Variants in KCNQ1 observed in about 807,000 individuals in gnomAD.
KCNQ1 encodes potassium voltage-gated channel subfamily Q member 1.
KCNQ1 carries 49 observed loss-of-function variants against 72.4 expected under a neutral mutation model. The ratio of observed to expected loss-of-function variants is 0.68; its 90% CI spans 0.54 to 0.86. The LOEUF (loss-of-function observed/expected upper bound fraction) is 0.86, where lower values mean the gene tolerates loss of function less well. Among genes scored for constraint, KCNQ1 ranks in the 40% least tolerant of loss-of-function variants. The probability of loss-of-function intolerance (pLI) is 0.00; values close to 1 mark genes in which losing one functional copy is unlikely to be tolerated. For missense variants in KCNQ1, 790 were observed against 945.1 expected, an observed-to-expected ratio of 0.84 and a Z score of 2.15; for synonymous variants, 450 against 412.6, an observed-to-expected ratio of 1.09 and a Z score of -1.10.
chr11:2,553,172 T>C (rs531280661), intron 2 of KCNQ1, among the ~76,000 whole-genome samples: 1 of 143,044 alleles, frequency 7.0e-6, no homozygotes, highest in Non-Finnish European at 1.5e-5. Context: ...GTTTTTTTTT[T>C]TTTTGTTTTT....
intron 10 of KCNQ1, chr11:2,643,116 G>A: frequency 2.5e-6 from 1 of 398,210 alleles, no homozygotes; most frequent in Non-Finnish European, 4.4e-6. Flanking sequence ...ATGTACTGAT[G>A]AGAAGAGTGT....
chr11:2,459,118 G>T (rs1846237521), intron 1 of KCNQ1, among the ~76,000 whole-genome samples: 1 of 152,198 alleles, frequency 6.6e-6, no homozygotes, highest in Non-Finnish European at 1.5e-5. Context: ...GGAGCAGACA[G>T]ACCAGAGTTT....
intron 11 of KCNQ1, chr11:2,680,680 C>T (rs1850381510): frequency 2.5e-6 from 1 of 398,444 alleles, no homozygotes; most frequent in South Asian, 1.3e-4. Flanking sequence ...TCTAACTCTT[C>T]AAGAATCCCT....
intron 15 of KCNQ1, among the ~76,000 whole-genome samples, chr11:2,780,390 A>T (rs1846801488): frequency 1.3e-5 from 2 of 152,238 alleles, no homozygotes; most frequent in Admixed American, 1.3e-4. Flanking sequence ...AAGTAGGGGC[A>T]GGAAATCCAG....
rs1392886445 is a variant in KCNQ1 at position 2,724,888 on chromosome 11, G to A, written c.1515-43956G>A. Among the ~76,000 whole-genome samples the A allele has an allele frequency of 1.3e-5, 2 of 152,196 alleles. No individual in the cohort carries two copies. The highest frequency in any genetic ancestry group is 2.9e-5 in the Non-Finnish European group (2 of 68,038). ...GTTCTCAACTGTGAAATGGGAACACGGTGGTCTCTGTCACAGGGTAGAGAT... is the reference window on the plus strand; with the variant it reads ...GTTCTCAACTGTGAAATGGGAACACAGTGGTCTCTGTCACAGGGTAGAGAT... On this transcript the variant is annotated intron_variant, in intron 11 of 15. Transcript: ENST00000155840. The surrounding 1 kb of genome is among the most constrained non-coding windows in gnomAD (Gnocchi z 6.8).
rs1337184556 is a variant in KCNQ1, at chr11:2,493,125, T to C, written c.387-34803T>C. Among the ~76,000 whole-genome samples the C allele has an allele frequency of 6.6e-6, 1 of 152,246 alleles. No homozygotes were observed. The highest frequency in any genetic ancestry group is 1.5e-5 in the Non-Finnish European group (1 of 68,036). On this transcript the variant is annotated intron_variant, in intron 1 of 15. Coordinates refer to ENST00000155840, the MANE Select transcript of KCNQ1 (RefSeq NM_000218.3). The surrounding 1 kb of genome is among the most constrained non-coding windows in gnomAD (Gnocchi z 5.3). ...ATGACCAGTAATGATTAGCTTTTTT[T>C]TCCATATGTTTCTTGGCCACATAAA...
In KCNQ1 at chr11:2,588,852, C is replaced by G; in HGVS notation, c.1391C>G (p.Ser464Cys). 3 of 1,611,688 alleles carry G rather than the reference C, an allele frequency of 1.9e-6. No individual in the cohort carries two copies. Among genetic ancestry groups the G allele is most frequent in the Non-Finnish European group, 2.5e-6 (3 of 1,179,810 alleles). ...DHFSVDGYDS[S>C]VRKSPTLLEV... ...TTCTCTGTCGACGGCTATGACAGTT[C>G]TGGTGAGAACCCCTCAGGCAGTTGG... Residue 464 changes from serine (S) to cysteine (C), a missense_variant and splice_region_variant, in exon 10 of 16, where the codon TCT becomes TGT. By Grantham distance (112) the Ser-to-Cys change is moderately radical. This residue lies in a region of KCNQ1 where 178 missense variants were observed against 177.9 expected (regional missense o/e 1.00). Transcript: ENST00000155840. This position sits in a 1 kb window ranked among gnomAD's most constrained non-coding sequence, Gnocchi z 5.6.
intron 2 of KCNQ1, among the ~76,000 whole-genome samples, chr11:2,560,349 G>A (rs1198476924): frequency 1.8e-5 from 1 of 54,144 alleles, no homozygotes; most frequent in Non-Finnish European, 3.4e-5. Context: ...CATCCTGGGG[G>A]AATGGGGGGG....
chr11:2,782,755 A>G lies in KCNQ1; in HGVS notation c.1794+4718A>G, dbSNP rs1846845187. ...TTTATTATAATTTTAATGTCCGTCCATTAGCATTTAGTCCCATTTTTTATT... is the reference window on the plus strand; with the variant it reads ...TTTATTATAATTTTAATGTCCGTCCGTTAGCATTTAGTCCCATTTTTTATT... On this transcript the variant is annotated intron_variant, in intron 15 of 15. Coordinates refer to ENST00000155840, the MANE Select transcript of KCNQ1 (RefSeq NM_000218.3). This position sits in a 1 kb window ranked among gnomAD's most constrained non-coding sequence, Gnocchi z 6.1. Among the ~76,000 whole-genome samples the G allele has an allele frequency of 5.3e-5, 8 of 152,272 alleles. No homozygotes were observed. The South Asian group carries it at 1.7e-3, about 32-fold the overall frequency.
At chr11:2,578,176 C>T (rs1848449781) in intron 6 of KCNQ1, among the ~76,000 whole-genome samples, 2 of 152,366 alleles carry the variant, frequency 1.3e-5, no homozygotes, top group Non-Finnish European at 2.9e-5. Flanking sequence ...ACCCAGCAGG[C>T]AGCCCGTGAG....
chr11:2,518,849 G>A (rs970756617), intron 1 of KCNQ1, among the ~76,000 whole-genome samples: 2 of 152,224 alleles, frequency 1.3e-5, no homozygotes, highest in African/African-American at 4.8e-5. Context: ...AAGACAGCGT[G>A]AGGCATGGGG....
At chr11:2,708,728 C>G (rs1001776618) in intron 11 of KCNQ1, among the ~76,000 whole-genome samples, 1 of 152,142 alleles carries the variant, frequency 6.6e-6, no homozygotes, top group African/African-American at 2.4e-5. Context: ...GGGGGCGGTC[C>G]ATTTCCATCT....
intron 11 of KCNQ1, among the ~76,000 whole-genome samples, chr11:2,741,121 G>C (rs756946637): frequency 6.6e-6 from 1 of 152,230 alleles, no homozygotes; most frequent in Non-Finnish European, 1.5e-5. Context: ...AGCTCAGGCA[G>C]TGCTGCCTCC....
intron 1 of KCNQ1, among the ~76,000 whole-genome samples, chr11:2,472,009 T>C (rs1301113196): frequency 2.6e-5 from 4 of 151,760 alleles, no homozygotes; most frequent in Non-Finnish European, 5.9e-5. Context: ...TGTGCACATG[T>C]GTATAGGTGT....
intron 15 of KCNQ1, among the ~76,000 whole-genome samples, chr11:2,819,619 C>CAACACA (rs1348233936): frequency 1.5e-4 from 23 of 152,314 alleles, no homozygotes; most frequent in Non-Finnish European, 2.4e-4. Context: ...TTTGCTTGAG[C>CAACACA]AGTTATGGTG....
chr11:2,572,554 G>A (rs1292303188), intron 5 of KCNQ1, among the ~76,000 whole-genome samples: 1 of 152,322 alleles, frequency 6.6e-6, no homozygotes, highest in East Asian at 1.9e-4. Context: ...TCCATTCTTG[G>A]TTCTGTCACG....
rs1392880101 is a variant in KCNQ1 at position 2,652,978 on chromosome 11, T to C, written c.1394-8983T>C. 3 of 398,572 alleles carry C rather than the reference T, an allele frequency of 7.5e-6. No homozygotes were observed. Among genetic ancestry groups the C allele is most frequent in the Non-Finnish European group, 1.3e-5 (3 of 226,084 alleles). 24.7% of individuals were successfully genotyped at this position (398,572 alleles called of 1,614,324 possible). A position where few individuals can be genotyped will look rare whatever the true frequency, so the allele number is the denominator to read the frequency against. On this transcript the variant is annotated intron_variant, in intron 10 of 15. Transcript: ENST00000155840. The surrounding 1 kb of genome is among the most constrained non-coding windows in gnomAD (Gnocchi z 5.9). The stretch of plus-strand genomic sequence containing the variant: ...CAGGATTCCGGAAGTCATCTTTGAC[T>C]GTGTCACATCACTGTCATGCTTGAG...
intron 2 of KCNQ1, among the ~76,000 whole-genome samples, chr11:2,535,203 A>G (rs1163819540): frequency 6.6e-6 from 1 of 152,174 alleles, no homozygotes; most frequent in Admixed American, 6.5e-5. Flanking sequence ...GACGCTAGAC[A>G]CTGGCCTGCA....
chr11:2,659,777 A>T lies in KCNQ1; in HGVS notation c.1394-2184A>T, dbSNP rs960424072. On this transcript the variant is annotated intron_variant, in intron 10 of 15. Transcript: ENST00000155840. The surrounding 1 kb of genome is among the most constrained non-coding windows in gnomAD (Gnocchi z 4.3). ...AGTGGTTGGTATTGTCAGGTTTTGA[A>T]TTTTTTTTTTAATTTATGGAATTTC... is the stretch of plus-strand genomic sequence containing the variant. 2 of 394,274 alleles carry T rather than the reference A, an allele frequency of 5.1e-6. No homozygotes were observed. The highest frequency in any genetic ancestry group is 2.1e-5 in the African/African-American group (1 of 48,000). 24.4% of individuals were successfully genotyped at this position (394,274 alleles called of 1,614,324 possible). A position where few individuals can be genotyped will look rare whatever the true frequency, so the allele number is the denominator to read the frequency against.
Sources: allele counts gnomAD v4.1 joint callset (sites outside exome capture counted in the v4.1 genomes callset), GRCh38; gene constraint gnomAD v4.1.1; regional missense constraint gnomAD v4.1.1; non-coding constraint Gnocchi (gnomAD v3.1); transcripts MANE v1.5; gene names NCBI Gene and HGNC (gene_info 2026-07-23, HGNC 2026-07-21).